Variants in CNTNAP2 observed in about 807,000 individuals in gnomAD.
The protein encoded by CNTNAP2 is contactin associated protein 2.
Under a neutral mutation model 155.2 loss-of-function variants are expected in CNTNAP2, and 98 were observed. The observed-to-expected ratio is 0.63, with a 90% confidence interval of 0.54 to 0.75. CNTNAP2 has a LOEUF of 0.75. CNTNAP2 is among the 30% of genes least tolerant of loss of function. The pLI, the probability that CNTNAP2 is intolerant of heterozygous loss-of-function variation, is 0.00. For synonymous variants in CNTNAP2, 651 were observed against 631.2 expected, an observed-to-expected ratio of 1.03 and a Z score of -0.47; for missense variants, 1,727 against 1,688.1, an observed-to-expected ratio of 1.02 and a Z score of -0.40.
intron 9 of CNTNAP2, among the ~76,000 whole-genome samples, chr7:147,330,577 G>A (rs183106943): frequency 3.3e-5 from 5 of 152,274 alleles, no homozygotes; most frequent in East Asian, 3.9e-4. Context: ...CTAACTCTGG[G>A]TAGTTAGTAT....
At chr7:147,463,270 C>T (rs1798056733) in intron 10 of CNTNAP2, among the ~76,000 whole-genome samples, 1 of 152,190 alleles carries the variant, frequency 6.6e-6, no homozygotes, top group Admixed American at 6.5e-5. Flanking sequence ...TAATTAAGTG[C>T]ATCTCTGAAG....
chr7:148,178,194 T>A (rs932362751), intron 18 of CNTNAP2, among the ~76,000 whole-genome samples: 11 of 152,190 alleles, frequency 7.2e-5, no homozygotes, highest in Admixed American at 4.6e-4. Context: ...CACAAAGATA[T>A]CTCCAAATTC....
intron 16 of CNTNAP2, among the ~76,000 whole-genome samples, chr7:148,129,112 G>C (rs555771823): frequency 1.3e-5 from 2 of 152,188 alleles, no homozygotes; most frequent in South Asian, 4.2e-4. Flanking sequence ...CTTGTCCCTC[G>C]GCTGGGGCTC....
chr7:146,911,710 G>T (rs1796285155), intron 3 of CNTNAP2, among the ~76,000 whole-genome samples: 2 of 151,466 alleles, frequency 1.3e-5, no homozygotes, highest in African/African-American at 2.4e-5. Flanking sequence ...AAGGCTAGAT[G>T]ACAAGTTAGT....
intron 10 of CNTNAP2, among the ~76,000 whole-genome samples, chr7:147,433,178 A>G (rs1797494189): frequency 6.6e-6 from 1 of 152,180 alleles, no homozygotes; most frequent in African/African-American, 2.4e-5. Context: ...CCTCTTTTAT[A>G]TCATAATTTT....
intron 11 of CNTNAP2, among the ~76,000 whole-genome samples, chr7:147,517,070 A>C (rs544456584): frequency 6.6e-6 from 1 of 151,220 alleles, no homozygotes; most frequent in Non-Finnish European, 1.5e-5. Flanking sequence ...AGGTTTCACC[A>C]TGTTGGGCAG....
chr7:147,342,313 CAT>C (rs765509638), intron 9 of CNTNAP2, among the ~76,000 whole-genome samples: 1 of 150,572 alleles, frequency 6.6e-6, no homozygotes, highest in Non-Finnish European at 1.5e-5. Flanking sequence ...AATTTAAAGA[CAT>C]ATATTTGAGT....
chr7:148,116,086 C>A (rs1043611063), intron 15 of CNTNAP2, among the ~76,000 whole-genome samples: 5 of 151,388 alleles, frequency 3.3e-5, no homozygotes, highest in African/African-American at 1.2e-4. Context: ...TTGCAGTGAG[C>A]CTAGATCGTG....
chr7:147,732,511 C>G (rs866382065), intron 13 of CNTNAP2, among the ~76,000 whole-genome samples: 35 of 152,138 alleles, frequency 2.3e-4, no homozygotes, highest in African/African-American at 7.9e-4. Context: ...GTGCATGTGT[C>G]TTTATAGCAG....
At chr7:147,586,278 G>T (rs1800618373) in intron 12 of CNTNAP2, among the ~76,000 whole-genome samples, 1 of 151,944 alleles carries the variant, frequency 6.6e-6, no homozygotes, top group African/African-American at 2.4e-5. Context: ...CAGGCTTAAA[G>T]AATCCATTCT....
intron 13 of CNTNAP2, among the ~76,000 whole-genome samples, chr7:147,856,711 C>T (rs151268893): frequency 6.6e-6 from 1 of 150,692 alleles, no homozygotes; most frequent in Admixed American, 6.6e-5. Context: ...AATTTCTTAT[C>T]AGGCAATAGC....
chr7:148,339,128 TGTAA>T (rs1330258940), intron 21 of CNTNAP2, among the ~76,000 whole-genome samples: 4 of 152,124 alleles, frequency 2.6e-5, no homozygotes, highest in Non-Finnish European at 4.4e-5. Flanking sequence ...ACAAGCGTAG[TGTAA>T]GTAAGACACG....
chr7:147,203,309 A>G (rs1802957742), intron 8 of CNTNAP2, among the ~76,000 whole-genome samples: 1 of 152,076 alleles, frequency 6.6e-6, no homozygotes, highest in African/African-American at 2.4e-5. Flanking sequence ...CAATGGTGTG[A>G]TCTTGGCTCA....
At chr7:147,448,627 A>G (rs1022748613) in intron 10 of CNTNAP2, among the ~76,000 whole-genome samples, 9 of 151,948 alleles carry the variant, frequency 5.9e-5, no homozygotes, top group African/African-American at 2.2e-4. Context: ...TGCTAAATAA[A>G]AAGTGTTCTA....
At chr7:146,635,432 T>C (rs1799580665) in intron 1 of CNTNAP2, among the ~76,000 whole-genome samples, 1 of 152,136 alleles carries the variant, frequency 6.6e-6, no homozygotes, top group Non-Finnish European at 1.5e-5. Flanking sequence ...TGTCATGGCT[T>C]TGTGTGGACA....
chr7:147,683,875 T>C (rs1795983869), intron 13 of CNTNAP2, among the ~76,000 whole-genome samples: 1 of 151,566 alleles, frequency 6.6e-6, no homozygotes, highest in South Asian at 2.1e-4. Context: ...TGTTGATGCA[T>C]GACTAATTAC....
chr7:147,303,985 C>T (rs1467330), intron 9 of CNTNAP2, among the ~76,000 whole-genome samples: 5,265 of 152,226 alleles, frequency 0.035, 123 homozygotes, highest in South Asian at 0.053. Flanking sequence ...GCTTTCCTGC[C>T]GTCCTACACT....
At chr7:146,751,185 A>G (rs777137485) in intron 1 of CNTNAP2, among the ~76,000 whole-genome samples, 4 of 152,192 alleles carry the variant, frequency 2.6e-5, no homozygotes, top group Non-Finnish European at 4.4e-5. Context: ...ACTTTTGAAC[A>G]TTTACAAATG....
intron 16 of CNTNAP2, among the ~76,000 whole-genome samples, chr7:148,124,560 G>A: frequency 6.6e-6 from 1 of 152,152 alleles, no homozygotes; most frequent in East Asian, 1.9e-4. Flanking sequence ...GTGGAAACAG[G>A]AGAACCCAGC....
Sources: allele counts gnomAD v4.1 joint callset (sites outside exome capture counted in the v4.1 genomes callset), GRCh38; gene constraint gnomAD v4.1.1; transcripts MANE v1.5; gene names NCBI Gene and HGNC (gene_info 2026-07-23, HGNC 2026-07-21).